The following ZC3H13 variants were observed in gnomAD, a reference collection of about 807,000 sequenced individuals.
ZC3H13 encodes zinc finger CCCH domain-containing protein 13.
A neutral mutation model predicts 204.1 loss-of-function variants in ZC3H13; 64 were observed. The observed-to-expected ratio is 0.31, with a 90% CI of 0.26 to 0.39. The LOEUF is 0.39. Ranked by LOEUF, ZC3H13 falls within the 10% of genes least tolerant of loss-of-function variation. The probability of loss-of-function intolerance (pLI) is 1.00; values close to 1 mark genes in which losing one functional copy is unlikely to be tolerated. For missense variants in ZC3H13, 1,833 were observed against 2,082.7 expected (o/e 0.88, Z 2.33); for synonymous variants, 667 against 693.7 (o/e 0.96, Z 0.60).
At position 46,012,924 on chromosome 13, in the gene ZC3H13, C is replaced by T. The variant is rs191084370; in HGVS notation, c.449-1370G>A. On this transcript the variant is annotated intron_variant, in intron 5 of 18. Coordinates refer to ENST00000679008, the MANE Select transcript of ZC3H13 (RefSeq NM_001330564.2). ...ATAACCAAATACCCAGGTAAAACAA[C>T]GGAAAGAGTAGTTAATTGAGAAGAA... Among the ~76,000 whole-genome samples, 895 of 152,212 alleles carry T rather than the reference C, an allele frequency of 5.9e-3. 4 individuals carry two copies. Among genetic ancestry groups the T allele is most frequent in the South Asian group, 0.013 (65 of 4,832 alleles).
chr13:46,036,176 G>C (rs940211776), intron 4 of ZC3H13, among the ~76,000 whole-genome samples: 1 of 151,868 alleles, frequency 6.6e-6, no homozygotes, highest in African/African-American at 2.4e-5. Context: ...GAACAAGATA[G>C]GGGATGTCGG....
Position 45,985,689 on chromosome 13 carries a change from G to A in ZC3H13, c.1328C>T (p.Ser443Phe), listed in dbSNP as rs534020187. The A allele has an allele frequency of 6.2e-7, 1 of 1,613,936 alleles. No individual in the cohort carries two copies. Among genetic ancestry groups the A allele is most frequent in the South Asian group, 1.1e-5 (1 of 91,058 alleles). Residue 443 changes from serine (S) to phenylalanine (F), a missense_variant, in exon 10 of 19, where the codon TCT becomes TTT. Ser to Phe is a radical substitution (Grantham distance 155). This residue lies in a region of ZC3H13 where 1,574 missense variants were observed against 1,757.2 expected (regional missense o/e 0.90). Coordinates refer to ENST00000679008, the MANE Select transcript of ZC3H13 (RefSeq NM_001330564.2). ...EREYEQDQSS[S>F]RDHRDDREPR... ...TTCTCTGTCATCTCTGTGGTCTCTA[G>A]AAGAGCTCTGATCCTGTTCATATTC...
intron 7 of ZC3H13, among the ~76,000 whole-genome samples, chr13:46,008,292 A>C (rs907158842): frequency 6.7e-6 from 1 of 149,046 alleles, no homozygotes; most frequent in African/African-American, 2.5e-5. Context: ...CACTCTAGGA[A>C]ATGTAAACTG....
At chr13:46,052,326 G>T (rs2274381) in intron 1 of ZC3H13, 78 bp downstream of exon 1, 103,973 of 388,698 alleles carry the variant, frequency 0.27, 14,624 homozygotes, top group South Asian at 0.33. Context: ...AAGACGGGGG[G>T]GGGTAACCCG....
At chr13:46,029,486 T>G (rs1022419094) in intron 4 of ZC3H13, among the ~76,000 whole-genome samples, 1 of 148,094 alleles carries the variant, frequency 6.8e-6, no homozygotes, top group African/African-American at 2.5e-5. Flanking sequence ...TGGAGTGCAG[T>G]GGCGCGATCT....
chr13:45,959,178 T>G (rs1191093539), intron 18 of ZC3H13, among the ~76,000 whole-genome samples: 1 of 151,762 alleles, frequency 6.6e-6, no homozygotes, highest in East Asian at 1.9e-4. Flanking sequence ...TCTAAGAAAT[T>G]TTTTTCCTTG....
chr13:45,983,415 T>TATATATATATATATA (rs1212615990), intron 10 of ZC3H13, among the ~76,000 whole-genome samples: 1 of 10,984 alleles, frequency 9.1e-5, no homozygotes, highest in African/African-American at 5.8e-4. Flanking sequence ...ATATATATAT[T>TATATATATATATATA]TTTTTTTTTT....
rs751338515 is a variant in ZC3H13 at position 45,985,267 on chromosome 13, TATAGTTC to T, written c.1720+23_1720+29del. ...GAGATTTTATACTTTCTATATAAGA[TATAGTTC>T]ATAGACAAGTCAAAAACCTTACCCT... On this transcript the variant is annotated intron_variant, in intron 10 of 18. Coordinates refer to ENST00000679008, the MANE Select transcript of ZC3H13 (RefSeq NM_001330564.2). 107 of 1,546,380 alleles carry T rather than the reference TATAGTTC, an allele frequency of 6.9e-5. No individual in the cohort carries two copies. The African/African-American group carries it at 1.3e-3, about 19-fold the overall frequency.
chr13:45,992,936 G>C (rs2040067436), intron 8 of ZC3H13, among the ~76,000 whole-genome samples: 1 of 152,040 alleles, frequency 6.6e-6, no homozygotes, highest in African/African-American at 2.4e-5. Flanking sequence ...AGCTTTCCTG[G>C]GTCTCCAGCT....
At chr13:46,016,751 T>G (rs1412300444) in intron 5 of ZC3H13, among the ~76,000 whole-genome samples, 1 of 152,156 alleles carries the variant, frequency 6.6e-6, no homozygotes, top group Non-Finnish European at 1.5e-5. Context: ...AGAAAAACTT[T>G]GTAAGAAAGA....
At chr13:45,997,834 A>C (rs139384670) in intron 8 of ZC3H13, among the ~76,000 whole-genome samples, 414 of 152,224 alleles carry the variant, frequency 2.7e-3, no homozygotes, top group African/African-American at 9.6e-3. Flanking sequence ...AAGGAAAAAA[A>C]AACAAACCCA....
intron 8 of ZC3H13, among the ~76,000 whole-genome samples, 181 bp from the exon 9 acceptor site, chr13:45,989,278 T>C (rs909265255): frequency 3.9e-5 from 6 of 152,248 alleles, no homozygotes; most frequent in African/African-American, 1.4e-4. Context: ...GACTTAACTT[T>C]AAGTCAACTA....
intron 18 of ZC3H13, among the ~76,000 whole-genome samples, chr13:45,958,144 C>T (rs73182828): frequency 4.6e-5 from 7 of 152,146 alleles, no homozygotes; most frequent in Non-Finnish European, 1.0e-4. Flanking sequence ...TCCTGTTCCT[C>T]GTATTTGTTT....
chr13:46,018,845 T>A (rs2042063520), intron 5 of ZC3H13, among the ~76,000 whole-genome samples: 1 of 152,156 alleles, frequency 6.6e-6, no homozygotes, highest in Admixed American at 6.5e-5. Flanking sequence ...AAATGTTTTT[T>A]ATGCAAAAAA....
intron 4 of ZC3H13, among the ~76,000 whole-genome samples, chr13:46,029,590 G>A (rs925068976): frequency 1.8e-3 from 268 of 151,580 alleles, no homozygotes; most frequent in African/African-American, 6.3e-3. Flanking sequence ...TACCACGCCC[G>A]GCTAATTTTT....
intron 8 of ZC3H13, 42 bp downstream of exon 8, chr13:46,003,097 C>T (rs2040865942): frequency 1.3e-6 from 2 of 1,583,094 alleles, no homozygotes; most frequent in Non-Finnish European, 1.7e-6. Context: ...ATTCTATATT[C>T]TACAAAAGTT....
At position 45,985,725 on chromosome 13, in the gene ZC3H13, C is replaced by T; in HGVS notation, c.1292G>A (p.Arg431Lys). 2 of 1,612,796 alleles carry T rather than the reference C, an allele frequency of 1.2e-6. No individual in the cohort carries two copies. The highest frequency in any genetic ancestry group is 1.7e-6 in the Non-Finnish European group (2 of 1,179,646). ...ATCCTGTTCATATTCTCGTTCTTCT[C>T]TTGAGTCCTTTTCTCTGTCTCGTTT... Reference protein sequence around the residue: ...RGKRDREKDSREEREYEQDQS... With the variant: ...RGKRDREKDSKEEREYEQDQS... Residue 431 changes from arginine (R) to lysine (K), a missense_variant, in exon 10 of 19, where the codon AGA becomes AAA. By Grantham distance (26) the Arg-to-Lys change is conservative. Transcript: ENST00000679008.
chr13:46,008,276 T>C (rs1387402678), intron 7 of ZC3H13, among the ~76,000 whole-genome samples: 4 of 151,642 alleles, frequency 2.6e-5, no homozygotes, highest in Non-Finnish European at 5.9e-5. Context: ...AGATGATTAC[T>C]TGACACACTC....
chr13:45,973,148 A>T (rs1814185288), intron 12 of ZC3H13, among the ~76,000 whole-genome samples: 1 of 152,256 alleles, frequency 6.6e-6, no homozygotes, highest in Admixed American at 6.5e-5. Context: ...GTTATATATC[A>T]AGAGATAACT....
Sources: allele counts gnomAD v4.1 joint callset (sites outside exome capture counted in the v4.1 genomes callset), GRCh38; gene constraint gnomAD v4.1.1; regional missense constraint gnomAD v4.1.1; transcripts MANE v1.5; gene names NCBI Gene and HGNC (gene_info 2026-07-23, HGNC 2026-07-21).